The following RSAD2 variants were observed in gnomAD, a reference collection of about 807,000 sequenced individuals.
RSAD2 encodes S-adenosylmethionine-dependent nucleotide dehydratase RSAD2.
In RSAD2, 38 loss-of-function variants were observed where a neutral mutation model predicts 37.7. That is an observed-to-expected ratio of 1.01 (90% CI 0.78 to 1.32). The LOEUF is 1.32. Ranked by LOEUF, RSAD2 falls within the 40% of genes most tolerant of loss-of-function variation. The pLI is 0.00. For synonymous variants in RSAD2, 163 were observed against 157.4 expected (o/e 1.04, Z -0.27); for missense variants, 428 against 437.5 (o/e 0.98, Z 0.19).
chr2:6,888,599 T>C (rs950453954), intron 3 of RSAD2, among the ~76,000 whole-genome samples: 1 of 152,176 alleles, frequency 6.6e-6, no homozygotes, highest in African/African-American at 2.4e-5. Context: ...TAAATATTTT[T>C]TCCCCACAGC....
chr2:6,874,559 C>T (rs1183192004), upstream of RSAD2, among the ~76,000 whole-genome samples: 1 of 152,130 alleles, frequency 6.6e-6, no homozygotes, highest in African/African-American at 2.4e-5. Flanking sequence ...TTAAATTCTT[C>T]TCTAGAAGCA....
chr2:6,876,626 A>G (rs1349603987), upstream of RSAD2: 3 of 152,252 alleles, frequency 2.0e-5, no homozygotes, highest in Admixed American at 6.5e-5. Flanking sequence ...TTTGGTAATC[A>G]TTAAGCATAC....
chr2:6,890,379 C>T (rs1023400400), intron 4 of RSAD2, 54 bp downstream of exon 4: 30 of 1,582,406 alleles, frequency 1.9e-5, no homozygotes, highest in Non-Finnish European at 2.3e-5. Flanking sequence ...GATTGATTCC[C>T]AAAAGGGAAG....
At chr2:6,878,754 C>T (rs987988770) in intron 1 of RSAD2, 12 of 982,884 alleles carry the variant, frequency 1.2e-5, no homozygotes, top group African/African-American at 6.9e-5. Flanking sequence ...ACGTGACCTT[C>T]GAATGCAATA....
chr2:6,883,550 G>C lies in RSAD2; in HGVS notation c.508+18G>C. On this transcript the variant is annotated intron_variant, in intron 2 of 5. Transcript: ENST00000382040. ...GAATTATGGTGTGCTCCATGGGATGGCATTCTTCTTATTGCTATTGCTATT... is the reference window on the plus strand; with the variant it reads ...GAATTATGGTGTGCTCCATGGGATGCCATTCTTCTTATTGCTATTGCTATT... The C allele has an allele frequency of 1.9e-6, 3 of 1,612,506 alleles. No homozygotes were observed. The highest frequency in any genetic ancestry group is 2.5e-6 in the Non-Finnish European group (3 of 1,178,784).
chr2:6,890,222 C>T lies in RSAD2; in HGVS notation c.785C>T (p.Ala262Val), dbSNP rs201649824. Residue 262 changes from alanine to valine, a missense_variant, in exon 4 of 6, where the codon GCT (alanine) becomes GTT (valine). Transcript: ENST00000382040. The stretch of plus-strand genomic sequence containing the variant: ...GAGGGTGAGAATTGTGGAGAAGATG[C>T]TCTAAGAGAAGCAGAAAGATTTGTT... ...LIEGENCGED[A>V]LREAERFVIG... The T allele has an allele frequency of 1.5e-5, 25 of 1,614,042 alleles. No homozygotes were observed. The highest frequency in any genetic ancestry group is 2.2e-5 in the East Asian group (1 of 44,880).
chr2:6,873,403 A>G (rs949778860), upstream of RSAD2, among the ~76,000 whole-genome samples: 1 of 152,180 alleles, frequency 6.6e-6, no homozygotes, highest in Admixed American at 6.5e-5. Flanking sequence ...TACCCTTCAC[A>G]CCAGGTTTAA....
chr2:6,893,781 C>T, intron 5 of RSAD2, 78 bp downstream of exon 5: 1 of 980,790 alleles, frequency 1.0e-6, no homozygotes, highest in Non-Finnish European at 1.6e-6. Context: ...GTTCCATGAG[C>T]ATAACTATCT....
intron 1 of RSAD2, among the ~76,000 whole-genome samples, chr2:6,881,543 T>C (rs1647177067): frequency 6.6e-6 from 1 of 152,222 alleles, no homozygotes; most frequent in Admixed American, 6.5e-5. Flanking sequence ...AATAATTCCT[T>C]CCCCATGGGT....
upstream of RSAD2, chr2:6,876,868 C>A (rs1663291035): frequency 6.6e-6 from 1 of 152,082 alleles, no homozygotes; most frequent in South Asian, 2.1e-4. Flanking sequence ...AATGGAAATC[C>A]AGAGAAATAA....
Position 6,893,847 on chromosome 2 carries a change from G to C in RSAD2, c.921+144G>C, listed in dbSNP as rs560053683. On this transcript the variant is annotated intron_variant, in intron 5 of 5. Transcript: ENST00000382040. The stretch of plus-strand genomic sequence containing the variant: ...TCACAGTTTGATAGTCAGTGATTAT[G>C]ATTATGCCAGAGCCCTCACTTCACA... 50 of 620,478 alleles carry C rather than the reference G, an allele frequency of 8.1e-5. No homozygotes were observed. In the South Asian group the frequency reaches 9.0e-4, roughly 11 times the overall value. The allele number at this position is 620,478 out of a possible 1,614,324, so 38.4% of individuals were successfully genotyped here. A position where few individuals can be genotyped will look rare whatever the true frequency, so the allele number is the denominator to read the frequency against.
Position 6,871,688 on chromosome 2 carries a change from GCCTAC to G in RSAD2, c.142+5645_142+5649del, listed in dbSNP as rs371132687. 3.7e-4 allele frequency among the ~76,000 whole-genome samples: 56 copies of G among 152,248 alleles called. No individual in the cohort carries two copies. The East Asian group carries it at 3.9e-3, about 11-fold the overall frequency. ...TAAAAGCTAAAAGATCATTACTTGTGCCTACCTGTATTTTTTTGTGTGTGTGCATA... is the reference window on the plus strand; with the variant it reads ...TAAAAGCTAAAAGATCATTACTTGTGCTGTATTTTTTTGTGTGTGTGCATA... On this transcript the variant is annotated intron_variant, in intron 1 of 5. Transcript: ENST00000442639.
At chr2:6,869,233 A>T (rs1173348044) in intron 1 of RSAD2, among the ~76,000 whole-genome samples, 1 of 151,938 alleles carries the variant, frequency 6.6e-6, no homozygotes, top group South Asian at 2.1e-4. Flanking sequence ...CCTTTTTCCT[A>T]TTGTTCTTGC....
upstream of RSAD2, among the ~76,000 whole-genome samples, chr2:6,875,589 C>A (rs780240093): frequency 2.8e-4 from 43 of 152,196 alleles, no homozygotes; most frequent in Admixed American, 7.2e-4. Context: ...GGCTTCCATA[C>A]ACTTCCTAGG....
At position 6,887,000 on chromosome 2, in the gene RSAD2, G is replaced by T; in HGVS notation, c.574G>T (p.Gly192Cys). 6.2e-7 allele frequency: 1 copy of T among 1,614,160 alleles called. No individual in the cohort carries two copies. Among genetic ancestry groups the T allele is most frequent in the Non-Finnish European group, 8.5e-7 (1 of 1,180,030 alleles). The change falls in exon 3 of 6, where the codon GGC becomes TGC. Residue 192 changes from glycine (G) to cysteine (C), a missense_variant. Coordinates refer to ENST00000382040, the MANE Select transcript of RSAD2 (RefSeq NM_080657.5). ...SFDEEVNVLI[G>C]RGQGKKNHVE... ...TGACGAGGAAGTCAATGTCCTTATTGGCCGTGGCCAAGGAAAGAAGAACCA... is the reference window on the plus strand; with the variant it reads ...TGACGAGGAAGTCAATGTCCTTATTTGCCGTGGCCAAGGAAAGAAGAACCA...
At chr2:6,890,412 C>A in intron 4 of RSAD2, 87 bp downstream of exon 4, 1 of 1,410,086 alleles carries the variant, frequency 7.1e-7, no homozygotes, top group Non-Finnish European at 9.8e-7. Context: ...GGACCCCACA[C>A]ATTGTTATTT....
In RSAD2 at chr2:6,897,062, T is replaced by C. The variant is rs1393747521; in HGVS notation, c.*1120T>C. The C allele has an allele frequency of 6.6e-6, 1 of 152,170 alleles. No homozygotes were observed. Among genetic ancestry groups the C allele is most frequent in the Non-Finnish European group, 1.5e-5 (1 of 68,048 alleles). The allele number at this position is 152,170 out of a possible 1,614,324, so 9.4% of individuals were successfully genotyped here. A position where few individuals can be genotyped will look rare whatever the true frequency, so the allele number is the denominator to read the frequency against. On this transcript the variant is annotated 3_prime_UTR_variant, in exon 6 of 6. Transcript: ENST00000382040. ...AAGCCAAGTCACCATATCATATTTT[T>C]GAATGAACTCTGAGTCAGTTGAAAT... is the stretch of plus-strand genomic sequence containing the variant.
rs779493237 is a variant in RSAD2, at chr2:6,883,424, G to T, written c.400G>T (p.Glu134Ter). 1.2e-6 allele frequency: 2 copies of T among 1,614,186 alleles called. No individual in the cohort carries two copies. The highest frequency in any genetic ancestry group is 3.3e-5 in the Admixed American group (2 of 60,026). ...GGEPFLQDRG[E>*]YLGKLVRFCK... is the part of the protein sequence containing the mutation. ...AGAGCCATTTCTTCAAGACCGGGGA[G>T]AATACCTGGGCAAGTTGGTGAGGTT... The change falls in exon 2 of 6, where the codon GAA becomes TAA. Residue 134 changes from glutamate (E) to a stop codon, truncating the protein, a stop_gained. Coordinates refer to ENST00000382040, the MANE Select transcript of RSAD2 (RefSeq NM_080657.5). LOFTEE classifies it high-confidence loss of function.
At chr2:6,885,228 T>C (rs74529942) in intron 2 of RSAD2, among the ~76,000 whole-genome samples, 12 of 152,326 alleles carry the variant, frequency 7.9e-5, no homozygotes, top group African/African-American at 2.6e-4. Context: ...AGGTTGTACT[T>C]TCTCTCTAGC....
Sources: gnomAD v4.1 joint callset for allele counts (sites outside exome capture counted in the v4.1 genomes callset) on GRCh38, gnomAD v4.1.1 for gene constraint, MANE v1.5 for transcripts, NCBI Gene and HGNC (gene_info 2026-07-23, HGNC 2026-07-21) for gene names.